Variants in CDH13 observed in about 807,000 individuals in gnomAD.
CDH13 encodes the protein cadherin-13.
In CDH13, 24 loss-of-function variants were observed where a neutral mutation model predicts 63.8. That is an observed-to-expected ratio of 0.38 (90% CI 0.27 to 0.53). CDH13 has a LOEUF of 0.53. CDH13 is among the 20% of genes least tolerant of loss of function. CDH13 has a pLI of 0.85. For synonymous variants in CDH13, 503 were observed against 355.3 expected (o/e 1.42, Z -4.67); for missense variants, 1,049 against 903.1 (o/e 1.16, Z -2.07).
At chr16:83,631,981 G>C (rs942201908) in intron 8 of CDH13, among the ~76,000 whole-genome samples, 1 of 152,216 alleles carries the variant, frequency 6.6e-6, no homozygotes, top group Non-Finnish European at 1.5e-5. Context: ...CCTGCTTTTA[G>C]GCTTTGACAT....
chr16:83,071,994 A>G (rs115552368), intron 3 of CDH13, among the ~76,000 whole-genome samples: 147 of 152,244 alleles, frequency 9.7e-4, no homozygotes, highest in African/African-American at 3.5e-3. Flanking sequence ...GCAATTCTAA[A>G]TTTTCTTGGA....
At chr16:83,594,824 G>C (rs779637159) in intron 7 of CDH13, among the ~76,000 whole-genome samples, 1 of 152,188 alleles carries the variant, frequency 6.6e-6, no homozygotes, top group Admixed American at 6.5e-5. Context: ...AACGTCGAGG[G>C]TCTGGTGATG....
chr16:82,943,839 T>A (rs927737067), intron 2 of CDH13, among the ~76,000 whole-genome samples: 13 of 152,368 alleles, frequency 8.5e-5, no homozygotes, highest in African/African-American at 3.1e-4. Flanking sequence ...TTAGTTTTCT[T>A]TGTCAAGCAA....
chr16:83,651,172 T>G (rs767825187), intron 8 of CDH13, among the ~76,000 whole-genome samples: 3 of 152,140 alleles, frequency 2.0e-5, no homozygotes, highest in Non-Finnish European at 4.4e-5. Context: ...CTAAGTAGTT[T>G]AGATAACAAG....
At chr16:82,815,715 C>G (rs566399291) in intron 1 of CDH13, among the ~76,000 whole-genome samples, 1 of 152,156 alleles carries the variant, frequency 6.6e-6, no homozygotes, top group African/African-American at 2.4e-5. Flanking sequence ...AGAACAGTGC[C>G]CCTAATCGTA....
chr16:82,838,762 T>C (rs555848169), intron 1 of CDH13, among the ~76,000 whole-genome samples: 6 of 152,318 alleles, frequency 3.9e-5, no homozygotes, highest in African/African-American at 1.4e-4. Context: ...ATTCTGTGAT[T>C]GATGTCATAC....
At chr16:82,677,663 A>C (rs913109484) in intron 1 of CDH13, among the ~76,000 whole-genome samples, 1 of 152,108 alleles carries the variant, frequency 6.6e-6, no homozygotes, top group Non-Finnish European at 1.5e-5. Flanking sequence ...GGGTCTCCAG[A>C]CTCACAAAAC....
At chr16:83,467,535 C>G (rs1266552763) in intron 6 of CDH13, among the ~76,000 whole-genome samples, 21 of 152,236 alleles carry the variant, frequency 1.4e-4, no homozygotes, top group Non-Finnish European at 1.5e-5. Flanking sequence ...TTTAGCTGAC[C>G]CCAAGAACAG....
At chr16:82,741,428 T>G (rs2033927863) in intron 1 of CDH13, among the ~76,000 whole-genome samples, 1 of 152,232 alleles carries the variant, frequency 6.6e-6, no homozygotes, top group Non-Finnish European at 1.5e-5. Context: ...TTCTGTTTCC[T>G]TATCTGTGGT....
chr16:82,964,869 T>C (rs972474510), intron 2 of CDH13, among the ~76,000 whole-genome samples: 1 of 152,228 alleles, frequency 6.6e-6, no homozygotes, highest in Non-Finnish European at 1.5e-5. Flanking sequence ...GGTTAGGACA[T>C]GGTGGCACTA....
At chr16:82,882,770 C>T (rs1195580068) in intron 2 of CDH13, among the ~76,000 whole-genome samples, 1 of 152,010 alleles carries the variant, frequency 6.6e-6, no homozygotes, top group Admixed American at 6.5e-5. Flanking sequence ...AAAATTTATT[C>T]ATACGCTTGG....
intron 3 of CDH13, among the ~76,000 whole-genome samples, chr16:83,094,230 T>C (rs1012346394): frequency 4.6e-5 from 7 of 152,140 alleles, no homozygotes; most frequent in Non-Finnish European, 1.0e-4. Flanking sequence ...CGTGAAGATA[T>C]CTGAGCACTT....
chr16:83,019,971 C>T (rs2151452758), intron 2 of CDH13, among the ~76,000 whole-genome samples: 1 of 151,870 alleles, frequency 6.6e-6, no homozygotes, highest in South Asian at 2.1e-4. Flanking sequence ...ACTGAAAGTG[C>T]TATAGGTTTG....
chr16:83,398,622 T>G (rs2091922575), intron 6 of CDH13, among the ~76,000 whole-genome samples: 1 of 92,332 alleles, frequency 1.1e-5, no homozygotes, highest in Non-Finnish European at 2.1e-5. Context: ...ATTCAATTCA[T>G]GGCAGTAGAC....
intron 1 of CDH13, among the ~76,000 whole-genome samples, chr16:82,685,718 A>G (rs1914998593): frequency 6.6e-6 from 1 of 152,194 alleles, no homozygotes; most frequent in Admixed American, 6.5e-5. Context: ...CGCCTGGCTC[A>G]GGCAGCTTTC....
At chr16:83,459,131 T>C (rs1256522464) in intron 6 of CDH13, among the ~76,000 whole-genome samples, 1 of 152,240 alleles carries the variant, frequency 6.6e-6, no homozygotes, top group Admixed American at 6.5e-5. Flanking sequence ...CAAAATTATA[T>C]ATGAGCTTCC....
At chr16:83,620,945 C>G (rs1490908600) in intron 8 of CDH13, among the ~76,000 whole-genome samples, 1 of 152,166 alleles carries the variant, frequency 6.6e-6, no homozygotes, top group African/African-American at 2.4e-5. Flanking sequence ...GGGCCCCATG[C>G]TGTTAAGTAA....
intron 2 of CDH13, among the ~76,000 whole-genome samples, chr16:82,860,260 T>C (rs1003429576): frequency 3.3e-5 from 5 of 152,144 alleles, no homozygotes; most frequent in Non-Finnish European, 5.9e-5. Flanking sequence ...GCTTCTGTAA[T>C]CTTCACGATA....
At chr16:83,206,993 C>A (rs987425262) in intron 4 of CDH13, among the ~76,000 whole-genome samples, 2 of 152,172 alleles carry the variant, frequency 1.3e-5, no homozygotes, top group Admixed American at 1.3e-4. Flanking sequence ...TGTGACAGAT[C>A]TGGAAAGCAA....
Sources: gnomAD v4.1 joint callset for allele counts (sites outside exome capture counted in the v4.1 genomes callset) on GRCh38, gnomAD v4.1.1 for gene constraint, MANE v1.5 for transcripts, NCBI Gene and HGNC (gene_info 2026-07-23, HGNC 2026-07-21) for gene names.